The following SULF2 variants were observed in gnomAD, a reference collection of about 807,000 sequenced individuals.
The protein encoded by SULF2 is sulfatase 2, also known as extracellular sulfatase Sulf-2.
SULF2 carries 52 observed loss-of-function variants against 107.7 expected under a neutral mutation model. The observed-to-expected ratio is 0.48, with a 90% CI of 0.39 to 0.61. The LOEUF (loss-of-function observed/expected upper bound fraction) is 0.61. SULF2 is among the 20% of genes least tolerant of loss of function. SULF2 has a pLI of 0.00. For missense variants in SULF2, 993 were observed against 1,177.3 expected, an observed-to-expected ratio of 0.84 and a Z score of 2.29; for synonymous variants, 460 against 464.3, an observed-to-expected ratio of 0.99 and a Z score of 0.12.
chr20:47,734,266 C>A (rs1299011273), intron 3 of SULF2, among the ~76,000 whole-genome samples: 6 of 152,206 alleles, frequency 3.9e-5, no homozygotes, highest in African/African-American at 1.4e-4. Context: ...AAACTTAAAT[C>A]CAACTGAACC....
intron 3 of SULF2, among the ~76,000 whole-genome samples, chr20:47,735,788 C>T (rs2089714209): frequency 6.6e-6 from 1 of 152,204 alleles, no homozygotes; most frequent in African/African-American, 2.4e-5. Flanking sequence ...TGCCAGCCCA[C>T]ACTGTGTATC....
chr20:47,678,792 G>C lies in SULF2; in HGVS notation c.1077C>G (p.Ile359Met). Residue 359 changes from isoleucine (I) to methionine (M), a missense_variant, in exon 8 of 21, where the codon ATC becomes ATG. Around this residue, in one of 3 missense-constraint regions of SULF2, gnomAD observed 108 missense variants for 183.9 expected, o/e 0.59. Coordinates refer to ENST00000688720, the MANE Select transcript of SULF2 (RefSeq NM_001387048.1). The surrounding 1 kb of genome is among the most constrained non-coding windows in gnomAD (Gnocchi z 4.5). ...TGGGGGCCAGGTCAATGTTGAGGAC[G>C]ATGTGGGGATTCCTGGGGGAGGCAG... Reference protein sequence around the residue: ...NVEAGCLNPHIVLNIDLAPTI... With the variant: ...NVEAGCLNPHMVLNIDLAPTI... The C allele has an allele frequency of 1.9e-6, 3 of 1,613,242 alleles. No individual in the cohort carries two copies. Among genetic ancestry groups the C allele is most frequent in the Non-Finnish European group, 2.5e-6 (3 of 1,179,482 alleles).
intron 11 of SULF2, among the ~76,000 whole-genome samples, chr20:47,668,594 C>T (rs868557613): frequency 6.6e-6 from 1 of 152,208 alleles, no homozygotes; most frequent in African/African-American, 2.4e-5. Flanking sequence ...TGTGTGGCCC[C>T]GGCGATTTGG....
At chr20:47,765,196 T>G (rs553725315) in intron 1 of SULF2, among the ~76,000 whole-genome samples, 1 of 150,920 alleles carries the variant, frequency 6.6e-6, no homozygotes, top group Non-Finnish European at 1.5e-5. Flanking sequence ...CTAAAAAAAA[T>G]ACAAAAAAAT....
Position 47,661,760 on chromosome 20 carries a change from G to A in SULF2, c.2494+13C>T, listed in dbSNP as rs1406296465. 2.0e-6 allele frequency: 3 copies of A among 1,522,504 alleles called. No individual in the cohort carries two copies. Among genetic ancestry groups the A allele is most frequent in the African/African-American group, 1.4e-5 (1 of 73,144 alleles). 94.3% of individuals were successfully genotyped at this position (1,522,504 alleles called of 1,614,324 possible). ...CTGCTGTCCAAGGGCCCCACGTTGG[G>A]GTGCCTACTCACCCAGGTCCATGTT... On this transcript the variant is annotated intron_variant, in intron 18 of 20. Transcript: ENST00000688720.
At chr20:47,769,515 G>C (rs1364602368) in intron 1 of SULF2, among the ~76,000 whole-genome samples, 1 of 151,910 alleles carries the variant, frequency 6.6e-6, no homozygotes, top group Non-Finnish European at 1.5e-5. Context: ...TTATTTTGTA[G>C]AGGGGCATCC....
Position 47,710,315 on chromosome 20 carries a change from C to T in SULF2, c.416-7645G>A, listed in dbSNP as rs1236575577. Among the ~76,000 whole-genome samples, 4 of 150,572 alleles carry T rather than the reference C, an allele frequency of 2.7e-5. 1 individual carries two copies. The highest frequency in any genetic ancestry group is 5.9e-5 in the Non-Finnish European group (4 of 68,024). ...GGCCTCCCAAGGTGCTGGGAATACA[C>T]GCATGAGCCACCATGCCCACCATAT... On this transcript the variant is annotated intron_variant, in intron 3 of 20. Transcript: ENST00000688720.
intron 3 of SULF2, among the ~76,000 whole-genome samples, chr20:47,728,126 A>G (rs2089494668): frequency 6.6e-6 from 1 of 152,094 alleles, no homozygotes; most frequent in African/African-American, 2.4e-5. Context: ...GTGAATGGAG[A>G]GGCTCTGCTG....
chr20:47,710,671 A>G (rs529085359), intron 3 of SULF2, among the ~76,000 whole-genome samples: 10 of 148,736 alleles, frequency 6.7e-5, no homozygotes, highest in Non-Finnish European at 1.5e-4. Context: ...TTATCCACCA[A>G]TGGGCCCGTC....
intron 6 of SULF2, 104 bp downstream of exon 6, chr20:47,684,327 T>C: frequency 7.6e-7 from 1 of 1,308,346 alleles, no homozygotes; most frequent in South Asian, 1.5e-5. Flanking sequence ...CTGCCTTTGA[T>C]TTCTATTCCT....
rs1435304119 is a variant in SULF2 at position 47,678,758 on chromosome 20, C to A, written c.1111G>T (p.Asp371Tyr). The change falls in exon 8 of 21, where the codon GAC (aspartate) becomes TAC (tyrosine). Residue 371 changes from aspartate (D) to tyrosine (Y), a missense_variant. Around this residue, in one of 3 missense-constraint regions of SULF2, gnomAD observed 108 missense variants for 183.9 expected, o/e 0.59. Coordinates refer to ENST00000688720, the MANE Select transcript of SULF2 (RefSeq NM_001387048.1). The surrounding 1 kb of genome is among the most constrained non-coding windows in gnomAD (Gnocchi z 4.5). Reference sequence around the variant, plus strand: ...GCAGGTATGTCCAGGCCTGCAATGTCCAGGATGGTGGGGGCCAGGTCAATG... The same window carrying A: ...GCAGGTATGTCCAGGCCTGCAATGTACAGGATGGTGGGGGCCAGGTCAATG... ...LNIDLAPTIL[D>Y]IAGLDIPADM... 9 of 1,613,964 alleles carry A rather than the reference C, an allele frequency of 5.6e-6. No individual in the cohort carries two copies. The highest frequency in any genetic ancestry group is 7.6e-6 in the Non-Finnish European group (9 of 1,179,976).
chr20:47,668,915 C>T (rs1602595951), intron 11 of SULF2, among the ~76,000 whole-genome samples: 1 of 152,186 alleles, frequency 6.6e-6, no homozygotes, highest in Non-Finnish European at 1.5e-5. Context: ...TCTTTGTACT[C>T]CATCTTCCTC....
intron 1 of SULF2, among the ~76,000 whole-genome samples, chr20:47,776,466 G>C (rs1176785458): frequency 6.6e-6 from 1 of 152,178 alleles, no homozygotes. Context: ...ACCACCACTA[G>C]CCTGTACAAA....
chr20:47,735,417 G>C (rs576876772), intron 3 of SULF2, among the ~76,000 whole-genome samples: 2 of 152,342 alleles, frequency 1.3e-5, no homozygotes, highest in African/African-American at 4.8e-5. Flanking sequence ...TTTCAAGGCT[G>C]GTCACTCTTG....
chr20:47,716,870 C>T lies in SULF2; in HGVS notation c.416-14200G>A, dbSNP rs527918060. ...ATAAATATATATAAATATAGCCAGTCGTGGTGGTGTGTGCCTGTATTCCCA... is the reference window on the plus strand; with the variant it reads ...ATAAATATATATAAATATAGCCAGTTGTGGTGGTGTGTGCCTGTATTCCCA... On this transcript the variant is annotated intron_variant, in intron 3 of 20. Coordinates refer to ENST00000688720, the MANE Select transcript of SULF2 (RefSeq NM_001387048.1). 1.8e-4 allele frequency among the ~76,000 whole-genome samples: 27 copies of T among 152,022 alleles called. 1 individual carries two copies. The South Asian group carries it at 2.7e-3, about 15-fold the overall frequency.
chr20:47,716,041 G>A (rs1321311967), intron 3 of SULF2, among the ~76,000 whole-genome samples: 1 of 152,160 alleles, frequency 6.6e-6, no homozygotes, highest in Non-Finnish European at 1.5e-5. Flanking sequence ...ATTTGTGGAT[G>A]TGCTTTATAA....
intron 2 of SULF2, among the ~76,000 whole-genome samples, chr20:47,755,392 C>A (rs2090257231): frequency 6.6e-6 from 1 of 152,176 alleles, no homozygotes; most frequent in Non-Finnish European, 1.5e-5. Flanking sequence ...ATTCACAAGT[C>A]ACAGATGCAA....
intron 6 of SULF2, chr20:47,684,216 ATTGGG>A (rs2087920752): frequency 2.1e-6 from 1 of 487,116 alleles, no homozygotes; most frequent in African/African-American, 2.1e-5. Flanking sequence ...TGGTTACCGT[ATTGGG>A]CAACACAGAT....
intron 2 of SULF2, among the ~76,000 whole-genome samples, chr20:47,756,938 G>A (rs1259697020): frequency 6.6e-6 from 1 of 152,132 alleles, no homozygotes; most frequent in South Asian, 2.1e-4. Context: ...GAGCCATAGC[G>A]CCCAGCCTGT....
Sources: allele counts gnomAD v4.1 joint callset (sites outside exome capture counted in the v4.1 genomes callset), GRCh38; gene constraint gnomAD v4.1.1; regional missense constraint gnomAD v4.1.1; non-coding constraint Gnocchi (gnomAD v3.1); transcripts MANE v1.5; gene names NCBI Gene and HGNC (gene_info 2026-07-23, HGNC 2026-07-21).